Variants in LYRM4 observed in about 807,000 individuals in gnomAD.
The protein encoded by LYRM4 is LYR motif-containing protein 4.
LYRM4 carries 9 observed loss-of-function variants against 11.7 expected under a neutral mutation model. That is an observed-to-expected ratio of 0.77 (90% confidence interval 0.46 to 1.34). LYRM4 has a LOEUF of 1.34. LYRM4 is among the 40% of genes most tolerant of loss of function. The probability of loss-of-function intolerance (pLI) is 0.00; values close to 1 mark genes in which losing one functional copy is unlikely to be tolerated. For synonymous variants in LYRM4, 42 were observed against 40.4 expected (o/e 1.04, Z -0.15); for missense variants, 133 against 112.5 (o/e 1.18, Z -0.82).
intron 2 of LYRM4, among the ~76,000 whole-genome samples, chr6:5,181,412 G>A (rs1760066358): frequency 6.6e-6 from 1 of 152,106 alleles, no homozygotes; most frequent in African/African-American, 2.4e-5. Flanking sequence ...CTTTTGCATT[G>A]GCTTTTTCCT....
At chr6:5,225,854 C>T (rs1581548121) in intron 1 of LYRM4, among the ~76,000 whole-genome samples, 1 of 152,246 alleles carries the variant, frequency 6.6e-6, no homozygotes, top group African/African-American at 2.4e-5. Flanking sequence ...CAACACAGTG[C>T]ATCATCAAAC....
chr6:5,234,055 A>T lies in LYRM4; in HGVS notation c.87-17317T>A, dbSNP rs115421551. On this transcript the variant is annotated intron_variant, in intron 1 of 2. Coordinates refer to ENST00000330636, the MANE Select transcript of LYRM4 (RefSeq NM_020408.6). ...CATTTGGTTTAAAACGGGTCACCAC[A>T]ATTGGCTTTAATTTCAAGTCATATT... Among the ~76,000 whole-genome samples the T allele has an allele frequency of 6.0e-3, 915 of 152,328 alleles. 10 individuals carry two copies. The highest frequency in any genetic ancestry group is 0.044 in the South Asian group (210 of 4,824).
At chr6:5,134,011 A>C (rs554335509) in intron 2 of LYRM4, among the ~76,000 whole-genome samples, 9 of 152,228 alleles carry the variant, frequency 5.9e-5, no homozygotes, top group Non-Finnish European at 1.3e-4. Flanking sequence ...CCTCAGCTGA[A>C]GGATATTTGG....
intron 2 of LYRM4, among the ~76,000 whole-genome samples, chr6:5,138,487 CAAAAAAAAAAAAAAAAAA>C (rs765741377): frequency 4.0e-5 from 2 of 49,684 alleles, no homozygotes; most frequent in African/African-American, 8.3e-5. Context: ...ACCCTGTCTC[CAAAAAAAAAAAAAAAAAA>C]AAAAAAAAAA....
At chr6:5,104,963 G>C (rs1046027066), downstream of LYRM4, 10 of 152,154 alleles carry the variant, frequency 6.6e-5, no homozygotes, top group African/African-American at 2.4e-4. Flanking sequence ...TTCTCTAAAG[G>C]GAGTGACCAG....
At chr6:5,041,107 G>T in the LYRM4 span, among the ~76,000 whole-genome samples, 2 of 152,106 alleles carry the variant, frequency 1.3e-5, no homozygotes, top group African/African-American at 4.8e-5. Context: ...GGAGGTTGCA[G>T]TGAGTGGAGA....
At chr6:5,257,520 T>G (rs567733752) in intron 1 of LYRM4, among the ~76,000 whole-genome samples, 60 of 152,320 alleles carry the variant, frequency 3.9e-4, no homozygotes, top group Non-Finnish European at 7.2e-4. Flanking sequence ...GGGCTTGGTA[T>G]AGCAGGGGTC....
In LYRM4 at chr6:5,245,158, AT is replaced by A. The variant is rs1561899237; in HGVS notation, c.86+15489del. Among the ~76,000 whole-genome samples the A allele has an allele frequency of 2.3e-3, 231 of 99,494 alleles. 5 individuals carry two copies. Among genetic ancestry groups the A allele is most frequent in the African/African-American group, 2.8e-3 (74 of 26,410 alleles). 65.3% of individuals were successfully genotyped at this position (99,494 alleles called of 152,430 possible). On this transcript the variant is annotated intron_variant, in intron 1 of 2. Transcript: ENST00000330636. Reference sequence around the variant, plus strand: ...TATATATATATATATATATATATATATATATAAAATAGGTGAATTTCTGGAA... The same window carrying A: ...TATATATATATATATATATATATATAATATAAAATAGGTGAATTTCTGGAA...
chr6:5,044,952 A>C, the LYRM4 span, among the ~76,000 whole-genome samples: 4 of 152,216 alleles, frequency 2.6e-5, no homozygotes, highest in African/African-American at 9.6e-5. Context: ...GATCCTAGTG[A>C]CACTAAGTCA....
intron 2 of LYRM4, chr6:5,143,997 G>A (rs1757557545): frequency 1.1e-6 from 1 of 949,862 alleles, no homozygotes; most frequent in East Asian, 2.7e-5. Flanking sequence ...AGCTTCTGAG[G>A]TCTAATTCCC....
chr6:5,113,566 G>C (rs1762982869), intron 2 of LYRM4: 1 of 260,488 alleles, frequency 3.8e-6, no homozygotes, highest in African/African-American at 2.3e-5. Flanking sequence ...GGTGGATGCT[G>C]TAAGAATCAC....
intron 1 of LYRM4, chr6:5,218,530 C>A: frequency 4.2e-6 from 1 of 235,730 alleles, no homozygotes; most frequent in Non-Finnish European, 6.9e-6. Flanking sequence ...TCTTATGATA[C>A]TAGGAATCAT....
the LYRM4 span, among the ~76,000 whole-genome samples, chr6:5,077,327 C>G: frequency 3.3e-5 from 5 of 152,192 alleles, no homozygotes; most frequent in Non-Finnish European, 7.3e-5. Context: ...TTCTGCCTCA[C>G]GTAGAAAAAG....
chr6:5,227,381 A>G (rs1217287878), intron 1 of LYRM4, among the ~76,000 whole-genome samples: 1 of 152,214 alleles, frequency 6.6e-6, no homozygotes. Context: ...GTCAACGTAG[A>G]GGCAGGAAAG....
At chr6:5,113,394 G>A (rs748719427) in intron 2 of LYRM4, 11 of 415,510 alleles carry the variant, frequency 2.6e-5, no homozygotes, top group Middle Eastern at 3.5e-4. Flanking sequence ...CTCCAGCCTG[G>A]GTGACAGAGC....
chr6:5,155,231 G>A (rs1581395470), intron 2 of LYRM4, among the ~76,000 whole-genome samples: 3 of 152,150 alleles, frequency 2.0e-5, no homozygotes, highest in African/African-American at 7.2e-5. Context: ...ACAGGCATGC[G>A]CCACCGCCTG....
chr6:5,111,409 C>T (rs560803202), intron 2 of LYRM4, among the ~76,000 whole-genome samples: 118 of 152,318 alleles, frequency 7.7e-4, no homozygotes, highest in Non-Finnish European at 1.4e-3. Context: ...TTACCGTCAT[C>T]TTCTCAAGGC....
the LYRM4 span, among the ~76,000 whole-genome samples, chr6:5,083,191 G>T: frequency 6.6e-6 from 1 of 152,166 alleles, no homozygotes; most frequent in Non-Finnish European, 1.5e-5. Flanking sequence ...GTGAGCATGT[G>T]CCCCCGTGAG....
At position 5,159,953 on chromosome 6, in the gene LYRM4, T is replaced by G. The variant is rs139273920; in HGVS notation, c.208-50462A>C. ...GCCATCACTTTTTCCTGGGATGTTT[T>G]TCTTCCATTTTAGTTTTTTGCTTCC... On this transcript the variant is annotated intron_variant, in intron 2 of 2. Transcript: ENST00000330636. Among the ~76,000 whole-genome samples the G allele has an allele frequency of 3.3e-5, 5 of 152,312 alleles. No homozygotes were observed. In the East Asian group the frequency reaches 9.6e-4, roughly 29 times the overall value.
Sources: allele counts gnomAD v4.1 joint callset (sites outside exome capture counted in the v4.1 genomes callset), GRCh38; gene constraint gnomAD v4.1.1; transcripts MANE v1.5; gene names NCBI Gene and HGNC (gene_info 2026-07-23, HGNC 2026-07-21).